ARHGAP29: variants seen among roughly 807,000 people sequenced by gnomAD.
The protein encoded by ARHGAP29 is Rho GTPase activating protein 29.
A neutral mutation model predicts 122.6 loss-of-function variants in ARHGAP29; 43 were observed. That is an observed-to-expected ratio of 0.35 (90% CI 0.27 to 0.45). The LOEUF (loss-of-function observed/expected upper bound fraction) is 0.45, where lower values mean the gene tolerates loss of function less well. Among genes scored for constraint, ARHGAP29 ranks in the 20% least tolerant of loss-of-function variants. The probability of loss-of-function intolerance (pLI) is 1.00; values close to 1 mark genes in which losing one functional copy is unlikely to be tolerated. For synonymous variants in ARHGAP29, 506 were observed against 497.1 expected (o/e 1.02, Z -0.24); for missense variants, 1,303 against 1,477.2 (o/e 0.88, Z 1.93).
Position 94,247,359 on chromosome 1 carries a change from T to C in ARHGAP29, c.-32-15716A>G, listed in dbSNP as rs563640691. Among the ~76,000 whole-genome samples, 188 of 151,908 alleles carry C rather than the reference T, an allele frequency of 1.2e-3. 2 individuals are homozygous for C. In the South Asian group the frequency reaches 0.018, roughly 14 times the overall value. On this transcript the variant is annotated intron_variant and NMD_transcript_variant, in intron 1 of 25. Coordinates refer to the ARHGAP29 transcript ENST00000552844. ...GCTTCTCCCCTGCTGCCCGCCGGCG[T>C]CACACAACTCAGAGCGCGCACCCGG...
intron 2 of ARHGAP29, among the ~76,000 whole-genome samples, chr1:94,223,846 C>T (rs545625272): frequency 1.3e-3 from 201 of 150,574 alleles, no homozygotes; most frequent in African/African-American, 4.7e-3. Flanking sequence ...CTTGCTCTGT[C>T]GCCTGGGCTA....
At chr1:94,223,883 G>A (rs1275948951) in intron 2 of ARHGAP29, among the ~76,000 whole-genome samples, 4 of 151,376 alleles carry the variant, frequency 2.6e-5, no homozygotes, top group Non-Finnish European at 5.9e-5. Context: ...TCTCAGCTCA[G>A]TGCAACCTCT....
At chr1:94,231,760 G>T in intron 1 of ARHGAP29, 117 bp from the exon 2 acceptor site, 1 of 689,184 alleles carries the variant, frequency 1.5e-6, no homozygotes, top group South Asian at 2.1e-5. Context: ...AGCTCACCTT[G>T]GTATCCTATT....
At chr1:94,241,966 CT>C (rs1653606576), upstream of ARHGAP29, among the ~76,000 whole-genome samples, 2 of 151,978 alleles carry the variant, frequency 1.3e-5, no homozygotes, top group South Asian at 4.2e-4. Context: ...CCATAGCACC[CT>C]TGACAACTTG....
chr1:94,256,229 A>G lies in ARHGAP29; in HGVS notation c.-33+18783T>C, dbSNP rs1192662050. Among the ~76,000 whole-genome samples the G allele has an allele frequency of 2.0e-5, 3 of 150,560 alleles. No homozygotes were observed. In the Admixed American group the frequency reaches 2.0e-4, roughly 10 times the overall value. ...GGTAGTTAGTTCTATTCCTCTCTGT[A>G]TGTTTTAAATAATCCATTTTAATCA... On this transcript the variant is annotated intron_variant and NMD_transcript_variant, in intron 1 of 25. Transcript: ENST00000552844.
rs750774179 is a variant in ARHGAP29, at chr1:94,177,616, G to A, written c.2901C>T (p.Leu967=). ...TTTTTTTACATGGCTACTCACCACT[G>A]AGACATGCATCACATTTTCCTAACG... is the stretch of plus-strand genomic sequence containing the variant. ...QNALGKCDAC[L]SDKAQLLLDQ... The change falls in exon 22 of 23, where the codon CTC becomes CTT. Residue 967 remains leucine (L), a synonymous_variant. Coordinates refer to ENST00000260526, the MANE Select transcript of ARHGAP29 (RefSeq NM_004815.4). 1.2e-6 allele frequency: 2 copies of A among 1,607,102 alleles called. No individual in the cohort carries two copies. Among genetic ancestry groups the A allele is most frequent in the Admixed American group, 1.7e-5 (1 of 59,236 alleles).
intron 5 of ARHGAP29, among the ~76,000 whole-genome samples, chr1:94,206,966 A>G (rs905594441): frequency 6.7e-6 from 1 of 148,976 alleles, no homozygotes. Flanking sequence ...AAATGAGGCA[A>G]ATATATATAT....
intron 1 of ARHGAP29, among the ~76,000 whole-genome samples, chr1:94,268,249 T>C (rs1223118876): frequency 6.6e-6 from 1 of 152,212 alleles, no homozygotes; most frequent in East Asian, 1.9e-4. Flanking sequence ...ATATCCGCTT[T>C]ACTAAGTCCC....
upstream of ARHGAP29, among the ~76,000 whole-genome samples, chr1:94,277,443 A>G (rs537618552): frequency 6.6e-6 from 1 of 152,330 alleles, no homozygotes; most frequent in East Asian, 1.9e-4. Flanking sequence ...TCCCTTCCAC[A>G]TTACTGCTCA....
the ARHGAP29 span, among the ~76,000 whole-genome samples, chr1:94,289,935 A>T: frequency 6.6e-6 from 1 of 152,068 alleles, no homozygotes; most frequent in Non-Finnish European, 1.5e-5. Context: ...TTCATCAGGG[A>T]TATTGGTCTA....
intron 1 of ARHGAP29, among the ~76,000 whole-genome samples, chr1:94,272,887 A>T (rs1401968957): frequency 3.9e-5 from 6 of 152,340 alleles, no homozygotes; most frequent in African/African-American, 1.2e-4. Flanking sequence ...GACCCAGAGC[A>T]GAGGGACCTT....
intron 1 of ARHGAP29, among the ~76,000 whole-genome samples, chr1:94,262,105 T>C (rs1654581257): frequency 6.6e-6 from 1 of 152,106 alleles, no homozygotes; most frequent in African/African-American, 2.4e-5. Context: ...GCCACACACC[T>C]ACAACCATCT....
chr1:94,282,297 T>A, the ARHGAP29 span, among the ~76,000 whole-genome samples: 1,297 of 140,952 alleles, frequency 9.2e-3, 14 homozygotes, highest in African/African-American at 0.033. Context: ...ATTTATTTAT[T>A]TATTTTTGAG....
chr1:94,253,766 A>G (rs1480885036), intron 1 of ARHGAP29, among the ~76,000 whole-genome samples: 1 of 152,142 alleles, frequency 6.6e-6, no homozygotes, highest in East Asian at 1.9e-4. Context: ...TTCTTTATCT[A>G]CCCACTGAGC....
intron 12 of ARHGAP29, chr1:94,192,723 T>C (rs1160656106): frequency 1.3e-5 from 2 of 152,016 alleles, no homozygotes; most frequent in African/African-American, 4.8e-5. Flanking sequence ...AAGAGCAGAA[T>C]AGGCAGACCT....
intron 1 of ARHGAP29, among the ~76,000 whole-genome samples, chr1:94,254,419 G>C (rs1261480026): frequency 6.6e-6 from 1 of 152,206 alleles, no homozygotes; most frequent in African/African-American, 2.4e-5. Flanking sequence ...GTGGAGAACA[G>C]ATAGAATGGC....
At chr1:94,291,852 T>C in the ARHGAP29 span, among the ~76,000 whole-genome samples, 1 of 152,230 alleles carries the variant, frequency 6.6e-6, no homozygotes, top group East Asian at 1.9e-4. Flanking sequence ...CCTTTGTGGG[T>C]AACCCAACCC....
At chr1:94,179,993 AT>A (rs1300780810) in intron 19 of ARHGAP29, 36 bp from the exon 20 acceptor site, 4 of 1,442,642 alleles carry the variant, frequency 2.8e-6, no homozygotes, top group East Asian at 2.3e-5. Flanking sequence ...TAAGCATTCT[AT>A]TTTTTTCTGT....
chr1:94,211,289 A>C (rs1197091210), intron 3 of ARHGAP29, among the ~76,000 whole-genome samples: 1 of 119,430 alleles, frequency 8.4e-6, no homozygotes, highest in African/African-American at 3.4e-5. Flanking sequence ...TCTGGCTCCA[A>C]AAAAAAAAAA....
Sources: gnomAD v4.1 joint callset for allele counts (sites outside exome capture counted in the v4.1 genomes callset) on GRCh38, gnomAD v4.1.1 for gene constraint, MANE v1.5 for transcripts, NCBI Gene and HGNC (gene_info 2026-07-23, HGNC 2026-07-21) for gene names.